The following ATP10B variants were observed in gnomAD, a reference collection of about 807,000 sequenced individuals.
ATP10B encodes phospholipid-transporting ATPase VB.
ATP10B carries 122 observed loss-of-function variants against 141.2 expected under a neutral mutation model. The ratio of observed to expected loss-of-function variants is 0.86; its 90% CI spans 0.75 to 1.00. The LOEUF (loss-of-function observed/expected upper bound fraction) is 1.00. Among genes scored for constraint, ATP10B ranks in the 50% least tolerant of loss-of-function variants. The probability of loss-of-function intolerance (pLI) is 0.00; values close to 1 mark genes in which losing one functional copy is unlikely to be tolerated. For missense variants in ATP10B, 1,876 were observed against 1,825.3 expected, an observed-to-expected ratio of 1.03 and a Z score of -0.51; for synonymous variants, 685 against 692.0, an observed-to-expected ratio of 0.99 and a Z score of 0.16.
At chr5:160,919,664 CCT>C in the ATP10B span, among the ~76,000 whole-genome samples, 2 of 152,178 alleles carry the variant, frequency 1.3e-5, no homozygotes, top group South Asian at 2.1e-4. Context: ...AAACCCAGCC[CCT>C]CTCTGCTGAC....
chr5:160,682,042 A>G (rs1421952), intron 6 of ATP10B, among the ~76,000 whole-genome samples: 133,000 of 152,266 alleles, frequency 0.87, 58,286 homozygotes, highest in African/African-American at 0.92. Context: ...TTATCAGTCC[A>G]TGAGTAATAC....
chr5:160,646,140 A>C (rs1269183292), intron 8 of ATP10B, among the ~76,000 whole-genome samples: 1 of 152,200 alleles, frequency 6.6e-6, no homozygotes, highest in Non-Finnish European at 1.5e-5. Flanking sequence ...CAACTAGTAC[A>C]TGAGACATCC....
chr5:160,757,576 T>C (rs900956619), intron 2 of ATP10B, among the ~76,000 whole-genome samples: 7 of 152,178 alleles, frequency 4.6e-5, no homozygotes, highest in African/African-American at 1.7e-4. Flanking sequence ...TAATCTCAGA[T>C]CTAGGGCTGG....
the ATP10B span, among the ~76,000 whole-genome samples, chr5:160,892,716 T>TA: frequency 6.6e-6 from 1 of 152,026 alleles, no homozygotes; most frequent in East Asian, 1.9e-4. Context: ...CACAGGCAAG[T>TA]AAAAAACGAT....
chr5:160,582,804 G>T (rs1280624140), intron 24 of ATP10B, among the ~76,000 whole-genome samples: 3 of 151,422 alleles, frequency 2.0e-5, no homozygotes, highest in African/African-American at 4.9e-5. Context: ...CTCTAATCTT[G>T]TCTTCAAGCT....
chr5:160,752,690 T>C (rs1039273373), intron 2 of ATP10B, among the ~76,000 whole-genome samples: 19 of 152,202 alleles, frequency 1.2e-4, no homozygotes, highest in African/African-American at 4.3e-4. Flanking sequence ...AAATTCAACA[T>C]GATGAAATGC....
Position 160,565,777 on chromosome 5 carries a change from C to T in ATP10B, c.4062G>A (p.Arg1354=), listed in dbSNP as rs754696343. The T allele has an allele frequency of 1.9e-6, 3 of 1,613,944 alleles. No individual in the cohort carries two copies. The highest frequency in any genetic ancestry group is 2.5e-6 in the Non-Finnish European group (3 of 1,179,988). The change falls in exon 26 of 26, where the codon AGG becomes AGA. Residue 1354 remains arginine, a synonymous_variant. Coordinates refer to ENST00000327245, the MANE Select transcript of ATP10B (RefSeq NM_025153.3). ...LEIQSWRSRQ[R]PAPVPEVARP... Reference sequence around the variant, plus strand: ...GAGCCACTTCGGGGACAGGGGCAGGCCTCTGTCTGCTTCTCCAACTCTGGA... The same window carrying T: ...GAGCCACTTCGGGGACAGGGGCAGGTCTCTGTCTGCTTCTCCAACTCTGGA...
At chr5:160,702,344 G>A (rs1764730541) in intron 3 of ATP10B, among the ~76,000 whole-genome samples, 1 of 152,102 alleles carries the variant, frequency 6.6e-6, no homozygotes, top group Non-Finnish European at 1.5e-5. Flanking sequence ...CTGTGGTTAA[G>A]GAACTTGAGA....
intron 2 of ATP10B, among the ~76,000 whole-genome samples, chr5:160,746,365 G>A (rs1011479302): frequency 6.6e-6 from 1 of 151,816 alleles, no homozygotes; most frequent in African/African-American, 2.4e-5. Context: ...TTCAGGACAA[G>A]TGGCTGAGGT....
At chr5:160,918,885 G>A in the ATP10B span, among the ~76,000 whole-genome samples, 3 of 152,140 alleles carry the variant, frequency 2.0e-5, no homozygotes, top group South Asian at 6.2e-4. Context: ...CCTAGTACCT[G>A]TATAGGCAGC....
chr5:160,615,405 C>A (rs1757942384), intron 17 of ATP10B, among the ~76,000 whole-genome samples: 1 of 151,130 alleles, frequency 6.6e-6, no homozygotes, highest in Non-Finnish European at 1.5e-5. Context: ...ATCTGCTAGC[C>A]CAGCTCTCAC....
At chr5:160,758,629 A>G (rs534667319) in intron 2 of ATP10B, among the ~76,000 whole-genome samples, 12 of 152,308 alleles carry the variant, frequency 7.9e-5, no homozygotes, top group South Asian at 4.1e-4. Context: ...AAACAGATGT[A>G]GGCAGCCAGG....
At chr5:160,634,093 G>GTCTGACACC in intron 12 of ATP10B, 2 of 577,094 alleles carry the variant, frequency 3.5e-6, no homozygotes, top group Non-Finnish European at 6.3e-6. Context: ...AAAGTGCTTT[G>GTCTGACACC]TCTGGCACCA....
intron 7 of ATP10B, among the ~76,000 whole-genome samples, chr5:160,652,939 G>GTATATATAATATATTATATATACATT (rs1760962875): frequency 1.4e-5 from 1 of 71,456 alleles, no homozygotes; most frequent in East Asian, 3.4e-4. Context: ...ATATATACAT[G>GTATATATAATATATTATATATACATT]TATATATAAT....
chr5:160,585,328 G>A (rs1245155902), intron 24 of ATP10B, among the ~76,000 whole-genome samples: 1 of 152,194 alleles, frequency 6.6e-6, no homozygotes, highest in African/African-American at 2.4e-5. Flanking sequence ...GTGGTTTCTA[G>A]TATCAAACAG....
chr5:160,925,960 A>G, the ATP10B span, among the ~76,000 whole-genome samples: 1 of 152,214 alleles, frequency 6.6e-6, no homozygotes, highest in Non-Finnish European at 1.5e-5. Context: ...GGTAATGTCA[A>G]CTGATGTATC....
rs764489695 is a variant in ATP10B, at chr5:160,640,526, C to T, written c.935G>A (p.Arg312His). 99 of 1,613,976 alleles carry T rather than the reference C, an allele frequency of 6.1e-5. No individual in the cohort carries two copies. The Middle Eastern group carries it at 6.6e-4, about 11-fold the overall frequency. Residue 312 changes from arginine (R) to histidine (H), a missense_variant, in exon 10 of 26, where the codon CGC becomes CAC. Arg to His is a conservative substitution (Grantham distance 29). Transcript: ENST00000327245. ...GCAGAAGAAGATGTCTATATTCATG[C>T]GCCGCTCAATCTTGCTGCGTTTGTA... ...PRYKRSKIER[R>H]MNIDIFFCIG...
chr5:160,829,230 T>C (rs890184841), intron 1 of ATP10B, among the ~76,000 whole-genome samples: 5 of 151,974 alleles, frequency 3.3e-5, no homozygotes, highest in African/African-American at 1.2e-4. Context: ...AGCAATTCGT[T>C]GTTTTTGTCA....
chr5:160,666,956 C>A (rs1414801792), intron 7 of ATP10B, among the ~76,000 whole-genome samples: 1 of 152,172 alleles, frequency 6.6e-6, no homozygotes, highest in Non-Finnish European at 1.5e-5. Context: ...CAGTGGCTCA[C>A]GCCTGTAATT....
Sources: allele counts gnomAD v4.1 joint callset (sites outside exome capture counted in the v4.1 genomes callset), GRCh38; gene constraint gnomAD v4.1.1; transcripts MANE v1.5; gene names NCBI Gene and HGNC (gene_info 2026-07-23, HGNC 2026-07-21).